The following SLC47A2 variants were observed in gnomAD, a reference collection of about 807,000 sequenced individuals.
SLC47A2 encodes solute carrier family 47 member 2, also known as multidrug and toxin extrusion protein 2.
Under a neutral mutation model 67.7 loss-of-function variants are expected in SLC47A2, and 52 were observed. The observed-to-expected ratio is 0.77, with a 90% CI of 0.61 to 0.97. The LOEUF is 0.97. Among genes scored for constraint, SLC47A2 ranks in the 50% least tolerant of loss-of-function variants. SLC47A2 has a pLI of 0.00. For synonymous variants in SLC47A2, 278 were observed against 292.9 expected, an observed-to-expected ratio of 0.95 and a Z score of 0.52; for missense variants, 676 against 712.3, an observed-to-expected ratio of 0.95 and a Z score of 0.58.
At position 19,680,134 on chromosome 17, in the gene SLC47A2, A is replaced by G. The variant is rs534321266; in HGVS notation, c.1393-95T>C. On this transcript the variant is annotated intron_variant, in intron 15 of 16. Coordinates refer to ENST00000433844, the MANE Select transcript of SLC47A2 (RefSeq NM_001099646.3). ...CATTCTCTGTTTTTAAAACATTGCA[A>G]GCTGAAGCAGCATATATGCATGTAT... is the stretch of plus-strand genomic sequence containing the variant. The G allele has an allele frequency of 5.9e-6, 7 of 1,192,204 alleles. No homozygotes were observed. The African/African-American group carries it at 9.1e-5, about 16-fold the overall frequency. 73.9% of individuals were successfully genotyped at this position (1,192,204 alleles called of 1,614,324 possible). A position where few individuals can be genotyped will look rare whatever the true frequency, so the allele number is the denominator to read the frequency against.
intron 12 of SLC47A2, 34 bp from the exon 13 acceptor site, chr17:19,702,708 A>G: frequency 6.2e-7 from 1 of 1,610,724 alleles, no homozygotes; most frequent in East Asian, 2.2e-5. Flanking sequence ...TAAGACACAG[A>G]TGTATCCTTT....
intron 13 of SLC47A2, among the ~76,000 whole-genome samples, chr17:19,682,352 C>CAG (rs2085333772): frequency 6.6e-6 from 1 of 151,126 alleles, no homozygotes; most frequent in South Asian, 2.1e-4. Context: ...CACACACACA[C>CAG]ACACACACAC....
intron 15 of SLC47A2, among the ~76,000 whole-genome samples, chr17:19,680,314 C>T (rs1226115948): frequency 6.6e-6 from 1 of 151,816 alleles, no homozygotes. Flanking sequence ...CCTGTCTCTA[C>T]CAAAAATACT....
At chr17:19,702,573 G>A (rs2085813695) in intron 13 of SLC47A2, 32 bp downstream of exon 13, 2 of 1,612,344 alleles carry the variant, frequency 1.2e-6, no homozygotes, top group African/African-American at 1.3e-5. Context: ...CATGTCCCAG[G>A]GAGTCAGGCT....
At chr17:19,708,607 G>T in intron 6 of SLC47A2, 109 bp downstream of exon 6, 3 of 1,593,478 alleles carry the variant, frequency 1.9e-6, no homozygotes, top group Non-Finnish European at 1.7e-6. Context: ...CCCCTTTCAA[G>T]AGCTGGTTCA....
chr17:19,716,693 T>C (rs2086278936), upstream of SLC47A2: 1 of 1,288,514 alleles, frequency 7.8e-7, no homozygotes, highest in Non-Finnish European at 1.0e-6. Context: ...GGGGCTACCA[T>C]GGCAACTTGT....
rs766924190 is a variant in SLC47A2, at chr17:19,715,143, C to T, written c.198G>A (p.Glu66=). ...CCACCGCGAGGGTCACCGATGCCAG[C>T]TCCACCTTGCCCAGGTGCCCGCAGA... ...TVFCGHLGKV[E]LASVTLAVAF... is the part of the protein sequence containing the mutation. The change falls in exon 2 of 17, where the codon GAG becomes GAA. Residue 66 remains glutamate (E), a synonymous_variant. Transcript: ENST00000433844. 16 of 1,612,426 alleles carry T rather than the reference C, an allele frequency of 9.9e-6. No homozygotes were observed. Among genetic ancestry groups the T allele is most frequent in the South Asian group, 5.5e-5 (5 of 91,094 alleles).
At chr17:19,679,441 G>A (rs2085264631) in intron 16 of SLC47A2, among the ~76,000 whole-genome samples, 1 of 152,202 alleles carries the variant, frequency 6.6e-6, no homozygotes, top group African/African-American at 2.4e-5. Flanking sequence ...GCACAAACCA[G>A]AGAGATGTTT....
In SLC47A2 at chr17:19,679,981, G is replaced by C; in HGVS notation, c.1451C>G (p.Pro484Arg). ...AGATAGGACTGCTTTCTCAGGCCCA[G>C]GTCTGGTTGCAGTGCTCTCTGCTCT... ...QQRAESTATR[P>R]GPEKAVLSSV... The change falls in exon 16 of 17, where the codon CCT becomes CGT. Residue 484 changes from proline (P) to arginine (R), a missense_variant. By Grantham distance (103) the Pro-to-Arg change is moderately radical. Transcript: ENST00000433844. The C allele has an allele frequency of 6.2e-7, 1 of 1,613,986 alleles. No individual in the cohort carries two copies. The highest frequency in any genetic ancestry group is 8.5e-7 in the Non-Finnish European group (1 of 1,179,972).
chr17:19,678,985 G>A, intron 16 of SLC47A2, 79 bp from the exon 17 acceptor site: 1 of 1,227,970 alleles, frequency 8.1e-7, no homozygotes, highest in South Asian at 1.3e-5. Flanking sequence ...GGAAACCTAG[G>A]TTAACCACCT....
At position 19,714,781 on chromosome 17, in the gene SLC47A2, A is replaced by G. The variant is rs1341790706; in HGVS notation, c.234T>C (p.Asn78=). The G allele has an allele frequency of 1.9e-6, 3 of 1,614,116 alleles. No individual in the cohort carries two copies. The highest frequency in any genetic ancestry group is 2.5e-6 in the Non-Finnish European group (3 of 1,180,042). Residue 78 remains asparagine (N), a synonymous_variant, in exon 3 of 17, where the codon AAT becomes AAC. Coordinates refer to ENST00000433844, the MANE Select transcript of SLC47A2 (RefSeq NM_001099646.3). The stretch of plus-strand genomic sequence containing the variant: ...CAACTCCTACAGAAACTCCGCAGAC[A>G]TTGACAAACTGGCGCCACACACAGG... ...ASVTLAVAFV[N]VCGVSVGVGL...
At chr17:19,715,087 C>T in intron 2 of SLC47A2, 29 bp downstream of exon 2, 1 of 1,605,678 alleles carries the variant, frequency 6.2e-7, no homozygotes, top group Non-Finnish European at 8.5e-7. Context: ...GAGAGAACGT[C>T]CCTGCTCTGG....
intron 13 of SLC47A2, chr17:19,692,219 C>T (rs1179639821): frequency 5.2e-6 from 2 of 386,632 alleles, no homozygotes; most frequent in South Asian, 1.8e-5. Context: ...CAGAGCGAGA[C>T]TCCATGTCAA....
chr17:19,714,525 C>A, intron 3 of SLC47A2, 196 bp downstream of exon 3: 1 of 666,018 alleles, frequency 1.5e-6, no homozygotes, highest in African/African-American at 1.8e-5. Context: ...TTCTCCTGGC[C>A]CAGACTCTTT....
In SLC47A2 at chr17:19,694,642, G is replaced by C. The variant is rs886891767; in HGVS notation, c.1164+7963C>G. ...GAACTAAAAATGGATCAGAGGCCAG[G>C]CGCTGTGGCTCACACCTGTAATCCC... is the stretch of plus-strand genomic sequence containing the variant. On this transcript the variant is annotated intron_variant, in intron 13 of 16. Transcript: ENST00000433844. 3.9e-5 allele frequency among the ~76,000 whole-genome samples: 6 copies of C among 152,170 alleles called. No homozygotes were observed. In the East Asian group the frequency reaches 7.7e-4, roughly 20 times the overall value.
intron 12 of SLC47A2, 70 bp downstream of exon 12, chr17:19,703,022 T>C (rs2085827734): frequency 6.6e-7 from 1 of 1,504,564 alleles, no homozygotes; most frequent in South Asian, 1.1e-5. Context: ...AGGAATGTGA[T>C]AAATCTGAGG....
Position 19,704,769 on chromosome 17 carries a change from G to A in SLC47A2, c.910-591C>T, listed in dbSNP as rs2085882826. 58 of 1,352,086 alleles carry A rather than the reference G, an allele frequency of 4.3e-5. 1 individual carries two copies. Among genetic ancestry groups the A allele is most frequent in the Non-Finnish European group, 5.7e-5 (56 of 984,618 alleles). 83.8% of individuals were successfully genotyped at this position (1,352,086 alleles called of 1,614,324 possible). A position where few individuals can be genotyped will look rare whatever the true frequency, so the allele number is the denominator to read the frequency against. On this transcript the variant is annotated intron_variant, in intron 10 of 16. Transcript: ENST00000433844. ...GCCCTGCTGGGGACGCTGTCACCCA[G>A]CTCTGGCCGACTGCAGTGTGCAGGA...
intron 13 of SLC47A2, among the ~76,000 whole-genome samples, chr17:19,699,341 AGGTGAATTTG>A (rs1463264746): frequency 2.6e-5 from 4 of 152,190 alleles, no homozygotes; most frequent in Admixed American, 2.6e-4. Context: ...TAGAAAATTT[AGGTGAATTTG>A]GGTTACACCG....
At chr17:19,686,698 C>A (rs1446476702) in intron 13 of SLC47A2, among the ~76,000 whole-genome samples, 6 of 152,106 alleles carry the variant, frequency 3.9e-5, no homozygotes, top group Non-Finnish European at 7.4e-5. Flanking sequence ...TAAAAAGAGA[C>A]AAGGTCATTG....
Sources: gnomAD v4.1 joint callset for allele counts (sites outside exome capture counted in the v4.1 genomes callset) on GRCh38, gnomAD v4.1.1 for gene constraint, MANE v1.5 for transcripts, NCBI Gene and HGNC (gene_info 2026-07-23, HGNC 2026-07-21) for gene names.